Variants in SCAPER observed in about 807,000 individuals in gnomAD.
SCAPER encodes the protein S phase cyclin A-associated protein in the endoplasmic reticulum.
SCAPER carries 98 observed loss-of-function variants against 182.2 expected under a neutral mutation model. That is an observed-to-expected ratio of 0.54 (90% CI 0.46 to 0.64). The LOEUF (loss-of-function observed/expected upper bound fraction) is 0.64, where lower values mean the gene tolerates loss of function less well. Among genes scored for constraint, SCAPER ranks in the 30% least tolerant of loss-of-function variants. The probability of loss-of-function intolerance (pLI) is 0.00; values close to 1 mark genes in which losing one functional copy is unlikely to be tolerated. For synonymous variants in SCAPER, 605 were observed against 564.6 expected (o/e 1.07, Z -1.01); for missense variants, 1,432 against 1,690.0 (o/e 0.85, Z 2.68).
At chr15:76,755,779 A>G (rs773139284) in intron 14 of SCAPER, among the ~76,000 whole-genome samples, 2 of 152,122 alleles carry the variant, frequency 1.3e-5, no homozygotes, top group Non-Finnish European at 2.9e-5. Context: ...CTGATTTTCT[A>G]TGGAGAAATC....
At chr15:76,457,576 C>T (rs1239903171) in intron 25 of SCAPER, among the ~76,000 whole-genome samples, 5 of 152,130 alleles carry the variant, frequency 3.3e-5, no homozygotes, top group Admixed American at 3.3e-4. Flanking sequence ...GAAGGAGTTA[C>T]AACACACAAC....
rs1596596355 is a variant in SCAPER, at chr15:76,434,164, TG to T, written c.3224del (p.Pro1075GlnfsTer11). On this transcript the variant is annotated frameshift_variant, in exon 26 of 32. Coordinates refer to ENST00000563290, the MANE Select transcript of SCAPER (RefSeq NM_020843.4). LOFTEE classifies it high-confidence loss of function. ...CCTGTGTTGGTATTTTTGGGGTAGCTGGCTGGCAGTTTCCATCTGGTCGATT... is the reference window on the plus strand; with the variant it reads ...CCTGTGTTGGTATTTTTGGGGTAGCTGCTGGCAGTTTCCATCTGGTCGATT... ...IANRPDGNCQ[P>X]ATPKIPTQEM... 3 of 1,614,040 alleles carry T rather than the reference TG, an allele frequency of 1.9e-6. No homozygotes were observed. Among genetic ancestry groups the T allele is most frequent in the Non-Finnish European group, 2.5e-6 (3 of 1,179,896 alleles).
chr15:76,639,388 T>C (rs1462405369), intron 21 of SCAPER, among the ~76,000 whole-genome samples: 1 of 152,218 alleles, frequency 6.6e-6, no homozygotes, highest in African/African-American at 2.4e-5. Context: ...AACTCCTTTT[T>C]TCCTCTTCAG....
At chr15:76,703,645 G>A (rs560054270) in intron 18 of SCAPER, among the ~76,000 whole-genome samples, 79 of 152,210 alleles carry the variant, frequency 5.2e-4, no homozygotes, top group Non-Finnish European at 9.0e-4. Context: ...TCCAGCTCAG[G>A]AAGTGTTCTT....
At chr15:76,833,631 A>C (rs1368918830) in intron 5 of SCAPER, among the ~76,000 whole-genome samples, 1 of 152,236 alleles carries the variant, frequency 6.6e-6, no homozygotes. Flanking sequence ...TCTCACATGC[A>C]ATGACAACCA....
At position 76,850,425 on chromosome 15, in the gene SCAPER, G is replaced by A. The variant is rs984886153; in HGVS notation, c.195+7384C>T. On this transcript the variant is annotated intron_variant, in intron 4 of 31. Coordinates refer to ENST00000563290, the MANE Select transcript of SCAPER (RefSeq NM_020843.4). ...TGTTAGTGACACAGAGTTTCCCTGGGAAGAGGCTCCCAAAGGCACACAGAG... is the reference window on the plus strand; with the variant it reads ...TGTTAGTGACACAGAGTTTCCCTGGAAAGAGGCTCCCAAAGGCACACAGAG... Among the ~76,000 whole-genome samples the A allele has an allele frequency of 1.2e-4, 19 of 152,264 alleles. 1 individual carries two copies. Among genetic ancestry groups the A allele is most frequent in the African/African-American group, 4.1e-4 (17 of 41,558 alleles).
At chr15:76,622,479 G>A (rs1404197583) in intron 21 of SCAPER, among the ~76,000 whole-genome samples, 1 of 151,702 alleles carries the variant, frequency 6.6e-6, no homozygotes, top group Non-Finnish European at 1.5e-5. Flanking sequence ...CCCTAATGAG[G>A]AAAAAAGCAA....
chr15:76,736,149 C>T (rs1371935569), intron 15 of SCAPER, among the ~76,000 whole-genome samples: 2 of 152,200 alleles, frequency 1.3e-5, no homozygotes, highest in Non-Finnish European at 2.9e-5. Flanking sequence ...TTACACAATA[C>T]TATGGCCTAT....
chr15:76,708,921 C>T (rs1366894390), intron 17 of SCAPER, among the ~76,000 whole-genome samples: 1 of 151,842 alleles, frequency 6.6e-6, no homozygotes, highest in African/African-American at 2.4e-5. Context: ...CAAAAATCAG[C>T]CAGGAGTGGT....
At chr15:76,780,376 A>C (rs2064041841) in intron 8 of SCAPER, among the ~76,000 whole-genome samples, 1 of 152,228 alleles carries the variant, frequency 6.6e-6, no homozygotes, top group African/African-American at 2.4e-5. Context: ...GTGGCCGGGA[A>C]GCTCGAACCA....
chr15:76,622,695 T>A (rs934458404), intron 21 of SCAPER, among the ~76,000 whole-genome samples: 1 of 152,178 alleles, frequency 6.6e-6, no homozygotes, highest in Non-Finnish European at 1.5e-5. Flanking sequence ...TGTGACCTCA[T>A]CTGAAAGGTG....
At chr15:76,506,152 G>A (rs2041558516) in intron 23 of SCAPER, among the ~76,000 whole-genome samples, 1 of 151,860 alleles carries the variant, frequency 6.6e-6, no homozygotes, top group Admixed American at 6.6e-5. Flanking sequence ...TAGTTAATGG[G>A]TACAAAACAA....
chr15:76,897,576 A>G (rs2074507175), intron 1 of SCAPER, among the ~76,000 whole-genome samples: 1 of 152,088 alleles, frequency 6.6e-6, no homozygotes, highest in African/African-American at 2.4e-5. Flanking sequence ...GTGTGGTGGT[A>G]TGCACCTGAA....
At chr15:76,374,351 G>A (rs983731832) in intron 29 of SCAPER, among the ~76,000 whole-genome samples, 1 of 151,974 alleles carries the variant, frequency 6.6e-6, no homozygotes, top group Non-Finnish European at 1.5e-5. Context: ...TCACGCCACT[G>A]CACTCTAGCC....
intron 22 of SCAPER, among the ~76,000 whole-genome samples, chr15:76,618,627 T>C (rs987851626): frequency 2.6e-5 from 4 of 152,218 alleles, no homozygotes; most frequent in African/African-American, 9.6e-5. Context: ...TATTTTCTCT[T>C]CTGTGACACG....
intron 29 of SCAPER, among the ~76,000 whole-genome samples, chr15:76,374,552 G>A (rs1008737556): frequency 1.3e-5 from 2 of 148,616 alleles, no homozygotes; most frequent in African/African-American, 2.5e-5. Context: ...GCGCGATCTC[G>A]GCTCATCGCA....
chr15:76,833,461 A>G lies in SCAPER; in HGVS notation c.393+8273T>C, dbSNP rs530795979. On this transcript the variant is annotated intron_variant, in intron 5 of 31. Transcript: ENST00000563290. ...AAAGCAACTATACAATCAAGTCGAC[A>G]TAAGAATCAACCAGCTAACAACATG... Among the ~76,000 whole-genome samples, 8 of 152,336 alleles carry G rather than the reference A, an allele frequency of 5.3e-5. No individual in the cohort carries two copies. The South Asian group carries it at 1.4e-3, about 28-fold the overall frequency.
intron 21 of SCAPER, among the ~76,000 whole-genome samples, chr15:76,624,476 A>G (rs866367849): frequency 1.3e-5 from 2 of 152,260 alleles, no homozygotes; most frequent in South Asian, 2.1e-4. Context: ...ATGGCTGCCC[A>G]AAGTAACCTG....
chr15:76,812,394 A>G (rs1040962510), intron 5 of SCAPER, among the ~76,000 whole-genome samples: 5 of 151,792 alleles, frequency 3.3e-5, no homozygotes, highest in Non-Finnish European at 5.9e-5. Flanking sequence ...GAGGCTGAGC[A>G]CAAAAATCAC....
Sources: allele counts gnomAD v4.1 joint callset (sites outside exome capture counted in the v4.1 genomes callset), GRCh38; gene constraint gnomAD v4.1.1; transcripts MANE v1.5; gene names NCBI Gene and HGNC (gene_info 2026-07-23, HGNC 2026-07-21).